SMC4: variants seen among roughly 807,000 people sequenced by gnomAD.
The protein encoded by SMC4 is structural maintenance of chromosomes 4, also known as structural maintenance of chromosomes protein 4.
In SMC4, 87 loss-of-function variants were observed where a neutral mutation model predicts 145.6. The observed-to-expected ratio is 0.60, with a 90% CI of 0.50 to 0.71. The LOEUF is 0.71. Ranked by LOEUF, SMC4 falls within the 30% of genes least tolerant of loss-of-function variation. The probability of loss-of-function intolerance (pLI) is 0.00; values close to 1 mark genes in which losing one functional copy is unlikely to be tolerated. For synonymous variants in SMC4, 558 were observed against 500.7 expected (o/e 1.11, Z -1.53); for missense variants, 1,447 against 1,537.1 (o/e 0.94, Z 0.98).
intron 13 of SMC4, among the ~76,000 whole-genome samples, chr3:160,421,432 A>G (rs1283697988): frequency 2.0e-5 from 3 of 152,148 alleles, no homozygotes; most frequent in South Asian, 2.1e-4. Flanking sequence ...CTTTATTGAG[A>G]TAATTTACCT....
chr3:160,431,261 G>A (rs1423692378), intron 20 of SMC4, 56 bp downstream of exon 20: 2 of 1,429,968 alleles, frequency 1.4e-6, no homozygotes, highest in Non-Finnish European at 1.9e-6. Flanking sequence ...AAAAAGGAGG[G>A]TTTGGGGAGG....
chr3:160,432,517 T>G lies in SMC4; in HGVS notation c.3530+2T>G. 6.5e-7 allele frequency: 1 copy of G among 1,546,342 alleles called. No individual in the cohort carries two copies. Among genetic ancestry groups the G allele is most frequent in the Non-Finnish European group, 8.8e-7 (1 of 1,135,384 alleles). On this transcript the variant is annotated splice_donor_variant, in intron 22 of 23. Coordinates refer to ENST00000357388, the MANE Select transcript of SMC4 (RefSeq NM_001002800.3). LOFTEE classifies it high-confidence loss of function. ...TTTCTCTGAAGGAATCATGTTCAGG[T>G]GTGTAATTATGCTGAGTTTATAATC...
chr3:160,433,338 C>T lies in SMC4; in HGVS notation c.3714+129C>T, dbSNP rs1718624886. 3 of 655,246 alleles carry T rather than the reference C, an allele frequency of 4.6e-6. No homozygotes were observed. The East Asian group carries it at 8.1e-5, about 18-fold the overall frequency. The allele number at this position is 655,246 out of a possible 1,614,324, so 40.6% of individuals were successfully genotyped here. A position where few individuals can be genotyped will look rare whatever the true frequency, so the allele number is the denominator to read the frequency against. Reference sequence around the variant, plus strand: ...TCTAATAACTCCATCTCCATCTCCTCTGGTATCAGTGGAGACCAAATTATT... The same window carrying T: ...TCTAATAACTCCATCTCCATCTCCTTTGGTATCAGTGGAGACCAAATTATT... On this transcript the variant is annotated intron_variant, in intron 23 of 23. Transcript: ENST00000357388.
At position 160,431,126 on chromosome 3, in the gene SMC4, T is replaced by C. The variant is rs1477249625; in HGVS notation, c.3035T>C (p.Leu1012Pro). 1 of 1,607,286 alleles carries C rather than the reference T, an allele frequency of 6.2e-7. No individual in the cohort carries two copies. Among genetic ancestry groups the C allele is most frequent in the African/African-American group, 1.3e-5 (1 of 74,542 alleles). Residue 1012 changes from leucine (L) to proline (P), a missense_variant, in exon 20 of 24, where the codon CTT (leucine) becomes CCT (proline). Transcript: ENST00000357388. ...GAACATGCTCTTCAAAAAGATGCAC[T>C]TAGTATTAAGTTGAAACTTGAACAA... ...ENEHALQKDALSIKLKLEQID... is the reference protein window; with the variant it reads ...ENEHALQKDAPSIKLKLEQID...
At chr3:160,428,719 AAC>A in intron 17 of SMC4, 32 bp from the exon 18 acceptor site, 2 of 1,549,688 alleles carry the variant, frequency 1.3e-6, no homozygotes, top group Non-Finnish European at 1.7e-6. Flanking sequence ...TTAGCATAAA[AAC>A]ACAAATTAGG....
intron 15 of SMC4, 68 bp downstream of exon 15, chr3:160,423,908 T>C: frequency 7.8e-7 from 1 of 1,285,292 alleles, no homozygotes; most frequent in South Asian, 1.6e-5. Context: ...GGTATATACT[T>C]ACTACAAAAT....
rs57373079 is a variant in SMC4 at position 160,418,734 on chromosome 3, A to ATT, written c.1672-622_1672-621dup. Among the ~76,000 whole-genome samples the ATT allele has an allele frequency of 8.4e-3, 1,275 of 152,288 alleles. 12 individuals are homozygous for ATT. The highest frequency in any genetic ancestry group is 0.03 in the African/African-American group (1,231 of 41,566). On this transcript the variant is annotated intron_variant, in intron 11 of 23. Coordinates refer to ENST00000357388, the MANE Select transcript of SMC4 (RefSeq NM_001002800.3). ...GCCAGTACAGTAAGTAATAGACATAATTTAAATCTAGTGGATGGAGGAATA... is the reference window on the plus strand; with the variant it reads ...GCCAGTACAGTAAGTAATAGACATAATTTTTAAATCTAGTGGATGGAGGAATA...
chr3:160,430,944 GA>G, intron 19 of SMC4, 87 bp from the exon 20 acceptor site: 1 of 1,343,588 alleles, frequency 7.4e-7, no homozygotes, highest in Non-Finnish European at 1.0e-6. Context: ...GGGGCATGAG[GA>G]GAGATTGGTA....
chr3:160,430,901 G>T, intron 19 of SMC4, 131 bp from the exon 20 acceptor site: 2 of 1,244,442 alleles, frequency 1.6e-6, no homozygotes, highest in Non-Finnish European at 2.2e-6. Context: ...TATAATTTGT[G>T]AATTTAAATG....
At chr3:160,414,001 A>C (rs965464193) in intron 8 of SMC4, 4 of 334,520 alleles carry the variant, frequency 1.2e-5, no homozygotes, top group Non-Finnish European at 2.2e-5. Flanking sequence ...TAGTATCTCT[A>C]ATTATTTTTA....
At chr3:160,412,241 T>A in intron 6 of SMC4, 85 bp from the exon 7 acceptor site, 2 of 1,454,698 alleles carry the variant, frequency 1.4e-6, no homozygotes, top group Non-Finnish European at 1.9e-6. Context: ...CCTTATTAAC[T>A]GTTTTTATCT....
At chr3:160,410,111 G>A (rs898225703) in intron 5 of SMC4, among the ~76,000 whole-genome samples, 1 of 152,066 alleles carries the variant, frequency 6.6e-6, no homozygotes, top group Non-Finnish European at 1.5e-5. Flanking sequence ...ACAAACTGCA[G>A]CCTCTAGATC....
rs572963988 is a variant in SMC4 at position 160,416,420 on chromosome 3, GTT to G, written c.1437+16_1437+17del. On this transcript the variant is annotated splice_donor_region_variant and intron_variant, in intron 10 of 23. Transcript: ENST00000357388. ...GGGCTTCAGAAAGAAAAAGAAGTAA[GTT>G]TTTTTTTTTTATCAGTGTTTATTTT... The G allele has an allele frequency of 2.4e-5, 27 of 1,105,980 alleles. No homozygotes were observed. The highest frequency in any genetic ancestry group is 9.3e-5 in the Admixed American group (3 of 32,208). 68.5% of individuals were successfully genotyped at this position (1,105,980 alleles called of 1,614,324 possible).
intron 8 of SMC4, chr3:160,413,908 T>A (rs1390209863): frequency 6.6e-6 from 2 of 304,616 alleles, no homozygotes; most frequent in African/African-American, 4.6e-5. Context: ...ACAAATCTGA[T>A]AGAGGGATAG....
intron 5 of SMC4, among the ~76,000 whole-genome samples, chr3:160,406,416 G>A (rs1044920033): frequency 1.9e-4 from 29 of 151,874 alleles, no homozygotes; most frequent in Non-Finnish European, 4.0e-4. Flanking sequence ...TTTTTAAGTC[G>A]CTTATGAAAA....
At position 160,416,246 on chromosome 3, in the gene SMC4, C is replaced by T. The variant is rs1272572885; in HGVS notation, c.1273-5C>T. 1 of 1,571,678 alleles carries T rather than the reference C, an allele frequency of 6.4e-7. No individual in the cohort carries two copies. Among genetic ancestry groups the T allele is most frequent in the Admixed American group, 1.9e-5 (1 of 51,826 alleles). Reference sequence around the variant, plus strand: ...ATGCTCCTATAACTTGTTTTATAATCTCAGGTTGAAGAATTTAAAAGTATA... The same window carrying T: ...ATGCTCCTATAACTTGTTTTATAATTTCAGGTTGAAGAATTTAAAAGTATA... On this transcript the variant is annotated splice_polypyrimidine_tract_variant and splice_region_variant and intron_variant, in intron 9 of 23. Transcript: ENST00000357388.
chr3:160,431,433 C>T (rs571798443), intron 20 of SMC4, among the ~76,000 whole-genome samples: 1 of 152,142 alleles, frequency 6.6e-6, no homozygotes, highest in Non-Finnish European at 1.5e-5. Flanking sequence ...CCCTTTCACC[C>T]TAGGGCTGAT....
In SMC4 at chr3:160,404,367, T is replaced by C. The variant is rs746589708; in HGVS notation, c.550T>C (p.Tyr184His). 1.9e-6 allele frequency: 3 copies of C among 1,606,540 alleles called. No homozygotes were observed. In the South Asian group the frequency reaches 3.4e-5, roughly 18 times the overall value. Residue 184 changes from tyrosine (Y) to histidine (H), a missense_variant, in exon 5 of 24, where the codon TAT becomes CAT. Coordinates refer to ENST00000357388, the MANE Select transcript of SMC4 (RefSeq NM_001002800.3). ...TGAAGTCATTCCTAACAGTAATTTC[T>C]ATGTATCCAGAACGGCCTGCAGAGA... ...DYEVIPNSNF[Y>H]VSRTACRDNT...
chr3:160,429,766 GAGT>G (rs1718185975), intron 18 of SMC4, among the ~76,000 whole-genome samples: 1 of 149,982 alleles, frequency 6.7e-6, no homozygotes, highest in Admixed American at 6.6e-5. Context: ...ATCCAGGCTG[GAGT>G]ACAGTGGCGC....
Sources: allele counts gnomAD v4.1 joint callset (sites outside exome capture counted in the v4.1 genomes callset), GRCh38; gene constraint gnomAD v4.1.1; transcripts MANE v1.5; gene names NCBI Gene and HGNC (gene_info 2026-07-23, HGNC 2026-07-21).